Variants in WWOX observed in about 807,000 individuals in gnomAD.
WWOX encodes WW domain containing oxidoreductase.
WWOX carries 69 observed loss-of-function variants against 46.2 expected under a neutral mutation model. That is an observed-to-expected ratio of 1.49 (90% CI 1.23 to 1.82). WWOX has a LOEUF of 1.82. Among genes scored for constraint, WWOX ranks in the 40% most tolerant of loss-of-function variants. WWOX has a pLI of 0.00. For synonymous variants in WWOX, 359 were observed against 202.6 expected, an observed-to-expected ratio of 1.77 and a Z score of -6.56; for missense variants, 919 against 542.6, an observed-to-expected ratio of 1.69 and a Z score of -6.89.
At chr16:78,977,142 G>A (rs554747237) in intron 8 of WWOX, among the ~76,000 whole-genome samples, 7 of 152,158 alleles carry the variant, frequency 4.6e-5, no homozygotes, top group African/African-American at 1.7e-4. Context: ...CCCATATGTG[G>A]TATCTCTGGT....
intron 8 of WWOX, among the ~76,000 whole-genome samples, chr16:78,661,262 G>C (rs1049181892): frequency 6.6e-6 from 1 of 152,180 alleles, no homozygotes; most frequent in Non-Finnish European, 1.5e-5. Context: ...CAGCAACAGA[G>C]AGGACTGGAA....
intron 8 of WWOX, among the ~76,000 whole-genome samples, chr16:78,510,241 G>A (rs7193295): frequency 1.3e-5 from 2 of 152,236 alleles, no homozygotes; most frequent in Admixed American, 1.3e-4. Flanking sequence ...ATGGAGTCTT[G>A]CTCTGTTGAC....
At chr16:78,533,416 A>G (rs562754344) in intron 8 of WWOX, among the ~76,000 whole-genome samples, 4 of 151,990 alleles carry the variant, frequency 2.6e-5, no homozygotes, top group Non-Finnish European at 5.9e-5. Flanking sequence ...TGAGCTAAAA[A>G]AAAAAAAAAT....
chr16:78,239,039 A>T (rs1475948456), intron 5 of WWOX, among the ~76,000 whole-genome samples: 1 of 152,152 alleles, frequency 6.6e-6, no homozygotes, highest in Non-Finnish European at 1.5e-5. Context: ...TACCTGCCTG[A>T]TTCCAGGATG....
chr16:78,815,990 A>T (rs1255649830), intron 8 of WWOX, among the ~76,000 whole-genome samples: 1 of 152,104 alleles, frequency 6.6e-6, no homozygotes, highest in Non-Finnish European at 1.5e-5. Context: ...CCTTCCTGGG[A>T]TATTGCTCAA....
intron 8 of WWOX, among the ~76,000 whole-genome samples, chr16:78,877,126 A>G (rs1222247098): frequency 6.6e-6 from 1 of 152,148 alleles, no homozygotes; most frequent in African/African-American, 2.4e-5. Context: ...TATTTTGACA[A>G]TTCCTTCATC....
chr16:78,403,240 C>T (rs953171345), intron 6 of WWOX, among the ~76,000 whole-genome samples: 1 of 152,210 alleles, frequency 6.6e-6, no homozygotes, highest in African/African-American at 2.4e-5. Context: ...TGTAAATTCA[C>T]CTCTGCCACC....
chr16:79,091,779 G>T (rs141451144), intron 8 of WWOX, among the ~76,000 whole-genome samples: 9,052 of 109,030 alleles, frequency 0.083, 437 homozygotes, highest in Non-Finnish European at 0.11. Flanking sequence ...TCTTTTCTTT[G>T]TTTTTTTTTT....
At chr16:78,497,722 G>A (rs2084949932) in intron 8 of WWOX, among the ~76,000 whole-genome samples, 1 of 152,136 alleles carries the variant, frequency 6.6e-6, no homozygotes, top group African/African-American at 2.4e-5. Flanking sequence ...TCCAAAATGT[G>A]GACTCTCAGC....
intron 8 of WWOX, among the ~76,000 whole-genome samples, chr16:78,926,283 G>A (rs571804482): frequency 6.6e-6 from 1 of 152,004 alleles, no homozygotes; most frequent in Admixed American, 6.6e-5. Flanking sequence ...TAAAGTGGGA[G>A]GATATCCTGA....
chr16:78,246,679 C>G (rs181372974), intron 5 of WWOX, among the ~76,000 whole-genome samples: 1 of 152,128 alleles, frequency 6.6e-6, no homozygotes, highest in African/African-American at 2.4e-5. Context: ...TTTAAATGCC[C>G]GTGTTGATTT....
At chr16:78,679,161 A>G (rs1005539911) in intron 8 of WWOX, among the ~76,000 whole-genome samples, 15 of 152,146 alleles carry the variant, frequency 9.9e-5, no homozygotes, top group Non-Finnish European at 1.8e-4. Flanking sequence ...TGTGTCCCCC[A>G]GTGACCTGCT....
At chr16:78,717,474 G>A (rs143179327) in intron 8 of WWOX, among the ~76,000 whole-genome samples, 1 of 152,176 alleles carries the variant, frequency 6.6e-6, no homozygotes, top group African/African-American at 2.4e-5. Context: ...TTGGCTTTTG[G>A]TAGGTGGTCA....
At chr16:78,416,172 T>G (rs2082793662) in intron 6 of WWOX, among the ~76,000 whole-genome samples, 2 of 152,200 alleles carry the variant, frequency 1.3e-5, no homozygotes, top group African/African-American at 4.8e-5. Context: ...GGATACTATT[T>G]TTGTTTCCAT....
chr16:78,609,076 C>G (rs1246953718), intron 8 of WWOX, among the ~76,000 whole-genome samples: 1 of 152,068 alleles, frequency 6.6e-6, no homozygotes. Flanking sequence ...AACAGTATGT[C>G]AAATACCTTT....
chr16:79,065,098 T>C (rs1016141358), intron 8 of WWOX, among the ~76,000 whole-genome samples: 2 of 152,182 alleles, frequency 1.3e-5, no homozygotes, highest in Non-Finnish European at 2.9e-5. Flanking sequence ...ACCTTACTTA[T>C]TATTAGTGTT....
intron 5 of WWOX, among the ~76,000 whole-genome samples, chr16:78,179,397 A>T (rs1040679404): frequency 1.3e-5 from 2 of 152,200 alleles, no homozygotes; most frequent in African/African-American, 4.8e-5. Flanking sequence ...ACTTTCTGAG[A>T]TCATCCAACT....
intron 8 of WWOX, among the ~76,000 whole-genome samples, chr16:78,598,970 A>C (rs1264562258): frequency 6.6e-6 from 1 of 152,192 alleles, no homozygotes; most frequent in Non-Finnish European, 1.5e-5. Flanking sequence ...TGATGCACTT[A>C]GGCAACCAGT....
chr16:79,037,027 G>A (rs2047880383), intron 8 of WWOX, among the ~76,000 whole-genome samples: 1 of 152,162 alleles, frequency 6.6e-6, no homozygotes, highest in East Asian at 1.9e-4. Context: ...TGTATTTGTT[G>A]TTACTGCTTC....
Sources: allele counts gnomAD v4.1 joint callset (sites outside exome capture counted in the v4.1 genomes callset), GRCh38; gene constraint gnomAD v4.1.1; transcripts MANE v1.5; gene names NCBI Gene and HGNC (gene_info 2026-07-23, HGNC 2026-07-21).